The following SUGCT variants were observed in gnomAD, a reference collection of about 807,000 sequenced individuals.
The protein encoded by SUGCT is succinyl-CoA:glutarate-CoA transferase, also known as succinyl-CoA:glutarate CoA-transferase.
In SUGCT, 41 loss-of-function variants were observed where a neutral mutation model predicts 55.0. The observed-to-expected ratio is 0.74, with a 90% CI of 0.58 to 0.97. The LOEUF (loss-of-function observed/expected upper bound fraction) is 0.97. Among genes scored for constraint, SUGCT ranks in the 50% least tolerant of loss-of-function variants. The pLI is 0.00. For synonymous variants in SUGCT, 187 were observed against 200.4 expected, an observed-to-expected ratio of 0.93 and a Z score of 0.56; for missense variants, 568 against 547.8, an observed-to-expected ratio of 1.04 and a Z score of -0.37.
chr7:40,898,693 C>T, the SUGCT span, among the ~76,000 whole-genome samples: 12 of 151,216 alleles, frequency 7.9e-5, no homozygotes, highest in Admixed American at 5.9e-4. Context: ...CGCGAGACTC[C>T]GTCTAAAAAA....
the SUGCT span, among the ~76,000 whole-genome samples, chr7:41,023,164 A>G: frequency 1.3e-5 from 2 of 152,166 alleles, no homozygotes; most frequent in South Asian, 4.1e-4. Context: ...GGTGCAAACA[A>G]TGACTTCTTG....
At chr7:40,993,552 C>T in the SUGCT span, among the ~76,000 whole-genome samples, 3 of 152,118 alleles carry the variant, frequency 2.0e-5, no homozygotes, top group Admixed American at 6.5e-5. Context: ...CACATCTCAC[C>T]GCACAGGAAG....
chr7:40,747,170 A>C (rs1344904026), intron 12 of SUGCT, among the ~76,000 whole-genome samples: 1 of 152,148 alleles, frequency 6.6e-6, no homozygotes, highest in Non-Finnish European at 1.5e-5. Context: ...GTGATCCCAA[A>C]AGAAAGCATC....
intron 11 of SUGCT, among the ~76,000 whole-genome samples, chr7:40,484,815 A>G (rs996151142): frequency 1.3e-5 from 2 of 152,142 alleles, no homozygotes; most frequent in Non-Finnish European, 2.9e-5. Context: ...TTAGCACCAC[A>G]TCACTTACAG....
intron 12 of SUGCT, among the ~76,000 whole-genome samples, chr7:40,531,233 G>A (rs969605276): frequency 3.9e-5 from 6 of 152,120 alleles, no homozygotes; most frequent in Admixed American, 6.5e-5. Flanking sequence ...AGGATTTAGG[G>A]GAGATCATGC....
intron 12 of SUGCT, among the ~76,000 whole-genome samples, chr7:40,626,829 C>G (rs1478606604): frequency 6.6e-6 from 1 of 152,120 alleles, no homozygotes; most frequent in Non-Finnish European, 1.5e-5. Context: ...TTCTCTAGCT[C>G]AGTGCTTGGC....
chr7:40,141,852 C>T (rs1314915436), intron 1 of SUGCT: 9 of 422,804 alleles, frequency 2.1e-5, no homozygotes, highest in Non-Finnish European at 2.9e-5. Flanking sequence ...TAGAAGAATG[C>T]GCCCTTACAG....
chr7:40,703,343 G>C (rs953007099), intron 12 of SUGCT, among the ~76,000 whole-genome samples: 2 of 152,052 alleles, frequency 1.3e-5, no homozygotes, highest in Non-Finnish European at 2.9e-5. Context: ...GATTGACCAT[G>C]GTTCTTTTGA....
At chr7:40,898,274 C>G in the SUGCT span, among the ~76,000 whole-genome samples, 60 of 152,214 alleles carry the variant, frequency 3.9e-4, 2 homozygotes, top group East Asian at 6.6e-3. Flanking sequence ...ACAAACCCAC[C>G]AGAAGGAACA....
At chr7:40,546,579 G>T (rs551643254) in intron 12 of SUGCT, 1 of 152,122 alleles carries the variant, frequency 6.6e-6, no homozygotes, top group Admixed American at 6.5e-5. Context: ...TTGAATAAAA[G>T]CCTCTAAATA....
chr7:40,274,688 T>C, intron 8 of SUGCT, 32 bp downstream of exon 8: 1 of 1,606,778 alleles, frequency 6.2e-7, no homozygotes, highest in Non-Finnish European at 8.5e-7. Context: ...CAGATAATGT[T>C]ATAAAAACTG....
the SUGCT span, among the ~76,000 whole-genome samples, chr7:40,931,668 G>A: frequency 1.3e-5 from 2 of 152,228 alleles, no homozygotes; most frequent in East Asian, 1.9e-4. Flanking sequence ...TACATGTCCA[G>A]GAATTTATCC....
At chr7:40,201,121 A>C (rs577173685) in intron 6 of SUGCT, among the ~76,000 whole-genome samples, 1 of 152,168 alleles carries the variant, frequency 6.6e-6, no homozygotes, top group African/African-American at 2.4e-5. Context: ...CTGCAAATTC[A>C]TAGATGTTTT....
At chr7:40,161,970 C>G (rs915688145) in intron 1 of SUGCT, among the ~76,000 whole-genome samples, 2 of 152,098 alleles carry the variant, frequency 1.3e-5, no homozygotes, top group African/African-American at 4.8e-5. Flanking sequence ...GATCTTGGCT[C>G]ATTGCAACCT....
intron 9 of SUGCT, among the ~76,000 whole-genome samples, chr7:40,404,255 G>A (rs368551433): frequency 5.3e-5 from 8 of 152,160 alleles, no homozygotes; most frequent in African/African-American, 1.9e-4. Context: ...AATTAGAGCC[G>A]ATGAAGTTTC....
intron 12 of SUGCT, among the ~76,000 whole-genome samples, chr7:40,601,634 T>G (rs1798291312): frequency 6.6e-6 from 1 of 152,170 alleles, no homozygotes; most frequent in African/African-American, 2.4e-5. Context: ...AGCCTAAGCC[T>G]CTAAGACAAG....
At chr7:40,425,240 C>T (rs1032426869) in intron 9 of SUGCT, among the ~76,000 whole-genome samples, 2 of 152,072 alleles carry the variant, frequency 1.3e-5, no homozygotes, top group Non-Finnish European at 2.9e-5. Flanking sequence ...TTAAATGTCT[C>T]TAAGTGCATG....
At chr7:40,352,514 C>G (rs545559838) in intron 9 of SUGCT, among the ~76,000 whole-genome samples, 1 of 152,056 alleles carries the variant, frequency 6.6e-6, no homozygotes, top group African/African-American at 2.4e-5. Context: ...TTCTTGTATC[C>G]ATATGTGCTC....
At chr7:40,152,374 C>G (rs1054498346) in intron 1 of SUGCT, 13 of 152,606 alleles carry the variant, frequency 8.5e-5, no homozygotes, top group African/African-American at 2.7e-4. Context: ...GGTCAGATCC[C>G]TTTCTCTGTT....
Sources: allele counts gnomAD v4.1 joint callset (sites outside exome capture counted in the v4.1 genomes callset), GRCh38; gene constraint gnomAD v4.1.1; transcripts MANE v1.5; gene names NCBI Gene and HGNC (gene_info 2026-07-23, HGNC 2026-07-21).